AKAP19: variants seen among roughly 807,000 people sequenced by gnomAD.
The protein encoded by AKAP19 is small A-kinase anchoring protein.
the AKAP19 span, among the ~76,000 whole-genome samples, chr2:190,138,151 T>C: frequency 6.6e-6 from 1 of 152,220 alleles, no homozygotes; most frequent in Non-Finnish European, 1.5e-5. Context: ...TTAACTCATC[T>C]TCTGAAAAAT....
At chr2:189,901,433 G>A in the AKAP19 span, among the ~76,000 whole-genome samples, 2 of 152,108 alleles carry the variant, frequency 1.3e-5, no homozygotes, top group African/African-American at 4.8e-5. Context: ...CTGCCTCTGG[G>A]TTCAAGCTAT....
At chr2:189,976,097 A>G in the AKAP19 span, among the ~76,000 whole-genome samples, 2 of 151,874 alleles carry the variant, frequency 1.3e-5, no homozygotes, top group Admixed American at 1.3e-4. Flanking sequence ...TTTTTTCCCC[A>G]TCTTTGTGGT....
the AKAP19 span, chr2:190,059,932 AC>A: frequency 1.2e-6 from 1 of 855,130 alleles, no homozygotes; most frequent in Non-Finnish European, 1.8e-6. Context: ...GTACAGGGCT[AC>A]CGTTGGGGTA....
the AKAP19 span, among the ~76,000 whole-genome samples, chr2:190,116,995 A>T: frequency 6.6e-6 from 1 of 152,222 alleles, no homozygotes; most frequent in Non-Finnish European, 1.5e-5. Context: ...CAGGGTTCAC[A>T]TCCCAGCTCA....
At chr2:190,123,992 A>G in the AKAP19 span, among the ~76,000 whole-genome samples, 1 of 152,210 alleles carries the variant, frequency 6.6e-6, no homozygotes, top group Non-Finnish European at 1.5e-5. Context: ...TCTGGACTCA[A>G]GTCCTTTGGA....
the AKAP19 span, among the ~76,000 whole-genome samples, chr2:190,096,373 C>T: frequency 6.6e-6 from 1 of 152,174 alleles, no homozygotes; most frequent in South Asian, 2.1e-4. Context: ...GGACAAAATG[C>T]TTTTGGCCAA....
At chr2:190,043,671 G>A in the AKAP19 span, among the ~76,000 whole-genome samples, 1 of 152,046 alleles carries the variant, frequency 6.6e-6, no homozygotes, top group African/African-American at 2.4e-5. Flanking sequence ...TCCTATCCAT[G>A]TTCTGAATTC....
the AKAP19 span, chr2:190,059,921 G>T: frequency 1.4e-6 from 1 of 733,554 alleles, no homozygotes; most frequent in Non-Finnish European, 2.2e-6. Context: ...ACTTTTATTG[G>T]GTACAGGGCT....
At chr2:190,125,243 T>A in the AKAP19 span, among the ~76,000 whole-genome samples, 2 of 152,152 alleles carry the variant, frequency 1.3e-5, no homozygotes, top group Non-Finnish European at 2.9e-5. Context: ...TGTAATGATA[T>A]CCCTAGGTGA....
the AKAP19 span, among the ~76,000 whole-genome samples, chr2:190,144,473 AAT>A: frequency 6.6e-6 from 1 of 152,176 alleles, no homozygotes; most frequent in Admixed American, 6.5e-5. Flanking sequence ...CAAATATAAA[AAT>A]ATGTTAAAAA....
At chr2:190,114,646 C>T in the AKAP19 span, among the ~76,000 whole-genome samples, 2 of 152,068 alleles carry the variant, frequency 1.3e-5, no homozygotes, top group Admixed American at 6.5e-5. Context: ...TTAGTAGAGA[C>T]GGGGTTTCAC....
the AKAP19 span, among the ~76,000 whole-genome samples, chr2:190,187,780 G>A: frequency 4.5e-4 from 68 of 152,304 alleles, no homozygotes; most frequent in East Asian, 0.013. Flanking sequence ...TTTGAACCCA[G>A]GAGTTCGAGG....
chr2:190,018,563 T>C, the AKAP19 span, among the ~76,000 whole-genome samples: 1 of 152,210 alleles, frequency 6.6e-6, no homozygotes, highest in African/African-American at 2.4e-5. Context: ...TAACTTTCTA[T>C]GTGTATGTTT....
chr2:190,069,171 TGTGTGAGAGAGAGA>T, the AKAP19 span, among the ~76,000 whole-genome samples: 27 of 129,220 alleles, frequency 2.1e-4, no homozygotes, highest in Non-Finnish European at 3.4e-4. Flanking sequence ...TGTGTGTGTG[TGTGTGAGAGAGAGA>T]GAGAGAGAGA....
the AKAP19 span, among the ~76,000 whole-genome samples, chr2:190,113,329 C>T: frequency 1.3e-5 from 2 of 152,172 alleles, no homozygotes; most frequent in Non-Finnish European, 2.9e-5. Context: ...AAAAAAGACA[C>T]TCAACATATA....
chr2:190,180,652 C>T, the AKAP19 span: 1 of 985,532 alleles, frequency 1.0e-6, no homozygotes, highest in Non-Finnish European at 1.2e-6. The surrounding 1 kb of genome is among the most constrained non-coding windows in gnomAD (Gnocchi z 6.8). Context: ...GCCTCGGACC[C>T]TGCGCCTGAG....
the AKAP19 span, among the ~76,000 whole-genome samples, chr2:190,006,969 G>A: frequency 2.6e-5 from 4 of 152,070 alleles, no homozygotes; most frequent in Admixed American, 6.5e-5. Context: ...GCAGTGAGCC[G>A]AGATCGCACC....
chr2:189,998,370 G>C, the AKAP19 span, among the ~76,000 whole-genome samples: 1 of 152,036 alleles, frequency 6.6e-6, no homozygotes, highest in Non-Finnish European at 1.5e-5. Flanking sequence ...GATTTAACTA[G>C]TGCAGCCATC....
the AKAP19 span, among the ~76,000 whole-genome samples, chr2:190,069,175 T>TGTGTGTGAGAGA: frequency 3.3e-4 from 41 of 123,540 alleles, no homozygotes; most frequent in African/African-American, 1.3e-3. Context: ...TGTGTGTGTG[T>TGTGTGTGAGAGA]GAGAGAGAGA....
Sources: gnomAD v4.1 joint callset for allele counts (sites outside exome capture counted in the v4.1 genomes callset) on GRCh38, gnomAD v4.1.1 for gene constraint, Gnocchi (gnomAD v3.1) non-coding constraint, MANE v1.5 for transcripts, NCBI Gene and HGNC (gene_info 2026-07-23, HGNC 2026-07-21) for gene names.